The following POLQ variants were observed in gnomAD, a reference collection of about 807,000 sequenced individuals.
The protein encoded by POLQ is epididymis secretory sperm binding protein.
POLQ carries 233 observed loss-of-function variants against 259.2 expected under a neutral mutation model. That is an observed-to-expected ratio of 0.90 (90% CI 0.81 to 1.00). POLQ has a LOEUF of 1.00. Among genes scored for constraint, POLQ ranks in the 50% least tolerant of loss-of-function variants. The probability of loss-of-function intolerance (pLI) is 0.00; values close to 1 mark genes in which losing one functional copy is unlikely to be tolerated. For synonymous variants in POLQ, 1,025 were observed against 1,048.8 expected (o/e 0.98, Z 0.44); for missense variants, 2,871 against 3,051.6 (o/e 0.94, Z 1.39).
intron 12 of POLQ, 74 bp downstream of exon 12, chr3:121,509,487 C>T: frequency 2.3e-6 from 3 of 1,294,338 alleles, no homozygotes; most frequent in South Asian, 2.7e-5. Context: ...GTTAGGGTAT[C>T]TTTGATGTTC....
chr3:121,494,293 G>A lies in POLQ; in HGVS notation c.2279-572C>T, dbSNP rs192177124. On this transcript the variant is annotated intron_variant, in intron 14 of 29. Transcript: ENST00000264233. The stretch of plus-strand genomic sequence containing the variant: ...TTGTGAAACGGCCCCGCTATATCAG[G>A]TTGCAGCGGCAGAGAGCCATCCTCT... 66 of 1,596,434 alleles carry A rather than the reference G, an allele frequency of 4.1e-5. No individual in the cohort carries two copies. In the African/African-American group the frequency reaches 8.3e-4, roughly 20 times the overall value.
In POLQ at chr3:121,460,237, G is replaced by A; in HGVS notation, c.6968-3C>T. ...GTCAGCAGCCAGTATTGAACCACCT[G>A]AAGTAGAAGTGATTTCAGAAAAGCT... On this transcript the variant is annotated splice_polypyrimidine_tract_variant and splice_region_variant and intron_variant, in intron 24 of 29. Coordinates refer to ENST00000264233, the MANE Select transcript of POLQ (RefSeq NM_199420.4). The A allele has an allele frequency of 6.2e-7, 1 of 1,604,990 alleles. No homozygotes were observed. Among genetic ancestry groups the A allele is most frequent in the Non-Finnish European group, 8.5e-7 (1 of 1,171,952 alleles).
intron 25 of POLQ, among the ~76,000 whole-genome samples, chr3:121,455,763 G>A (rs1424382248): frequency 2.6e-5 from 4 of 152,186 alleles, no homozygotes; most frequent in Non-Finnish European, 5.9e-5. Context: ...ACCAAAAAGA[G>A]TCCAGGACCA....
In POLQ at chr3:121,495,359, G is replaced by C. The variant is rs1396581684; in HGVS notation, c.2278+1449C>G. On this transcript the variant is annotated intron_variant, in intron 14 of 29. Transcript: ENST00000264233. ...AAGTGCTGAGAGAACTAGAAAGAGT[G>C]AAGTTCCCACCTGCATTTTCTTCAA... Among the ~76,000 whole-genome samples the C allele has an allele frequency of 2.0e-5, 3 of 152,138 alleles. No individual in the cohort carries two copies. The South Asian group carries it at 6.2e-4, about 32-fold the overall frequency.
At chr3:121,506,245 A>G (rs1371799217) in intron 12 of POLQ, among the ~76,000 whole-genome samples, 1 of 151,144 alleles carries the variant, frequency 6.6e-6, no homozygotes, top group East Asian at 1.9e-4. Flanking sequence ...AATCTCCCTA[A>G]TATATAAAAA....
intron 25 of POLQ, among the ~76,000 whole-genome samples, chr3:121,456,450 T>C (rs2047738152): frequency 6.6e-6 from 1 of 152,158 alleles, no homozygotes; most frequent in South Asian, 2.1e-4. Flanking sequence ...ATTGTCCCTG[T>C]TTGCAGATGA....
chr3:121,441,656 G>C (rs72969949), intron 26 of POLQ, among the ~76,000 whole-genome samples: 1 of 152,278 alleles, frequency 6.6e-6, no homozygotes, highest in South Asian at 2.1e-4. Context: ...CATGTGGCCT[G>C]TTCTCAGAAT....
intron 12 of POLQ, 24 bp from the exon 13 acceptor site, chr3:121,498,694 T>C: frequency 6.6e-7 from 1 of 1,510,658 alleles, no homozygotes; most frequent in Non-Finnish European, 9.1e-7. Flanking sequence ...GTATTATTCA[T>C]TAACTAAAAC....
rs1044367412 is a variant in POLQ at position 121,521,912 on chromosome 3, T to C, written c.1255+91A>G. ...AAGAAATCTAAGGACATTAAGTGTG[T>C]TTAACAAGAAATAAATGTACACAAA... On this transcript the variant is annotated intron_variant, in intron 8 of 29. Coordinates refer to ENST00000264233, the MANE Select transcript of POLQ (RefSeq NM_199420.4). The C allele has an allele frequency of 9.5e-6, 9 of 948,310 alleles. No homozygotes were observed. The Admixed American group carries it at 2.0e-4, about 21-fold the overall frequency. The allele number at this position is 948,310 out of a possible 1,614,324, so 58.7% of individuals were successfully genotyped here. A position where few individuals can be genotyped will look rare whatever the true frequency, so the allele number is the denominator to read the frequency against.
chr3:121,527,123 C>A (rs973979594), intron 7 of POLQ, among the ~76,000 whole-genome samples: 1 of 152,082 alleles, frequency 6.6e-6, no homozygotes, highest in Non-Finnish European at 1.5e-5. Flanking sequence ...TGCGGTGGCA[C>A]GATCTCGGCT....
chr3:121,449,415 C>T lies in POLQ; in HGVS notation c.7164G>A (p.Gly2388=), dbSNP rs1436370123. ...ATTTAGCTCCCATTCCATAAATGATCCCATAGCAAATCTGAAAGGGAGTCA... is the reference window on the plus strand; with the variant it reads ...ATTTAGCTCCCATTCCATAAATGATTCCATAGCAAATCTGAAAGGGAGTCA... ...LRQQAKQICY[G]IIYGMGAKSL... Residue 2388 remains glycine, a synonymous_variant, in exon 26 of 30, where the codon GGG becomes GGA. Transcript: ENST00000264233. The T allele has an allele frequency of 6.4e-7, 1 of 1,570,066 alleles. No individual in the cohort carries two copies. The highest frequency in any genetic ancestry group is 1.1e-5 in the South Asian group (1 of 90,004).
At chr3:121,457,127 A>G (rs1456817459) in intron 25 of POLQ, among the ~76,000 whole-genome samples, 2 of 152,210 alleles carry the variant, frequency 1.3e-5, no homozygotes, top group Non-Finnish European at 2.9e-5. Context: ...AAAACAAGCA[A>G]TGGGGAAAGG....
At chr3:121,471,940 T>C (rs1163679595) in intron 22 of POLQ, 50 bp downstream of exon 22, 1 of 1,067,508 alleles carries the variant, frequency 9.4e-7, no homozygotes, top group Non-Finnish European at 1.3e-6. Context: ...CATATGAAAA[T>C]GCTTTTCCTT....
rs893859247 is a variant in POLQ, at chr3:121,451,993, C to T, written c.7153-2567G>A. 1.3e-4 allele frequency among the ~76,000 whole-genome samples: 20 copies of T among 150,790 alleles called. 1 individual carries two copies. The highest frequency in any genetic ancestry group is 8.6e-4 in the Admixed American group (13 of 15,176). Reference sequence around the variant, plus strand: ...ACTCAAGCCTCAGCACTGGCGGGCGCCCCTCCCCCAGCCTTGCTGCTGCCT... The same window carrying T: ...ACTCAAGCCTCAGCACTGGCGGGCGTCCCTCCCCCAGCCTTGCTGCTGCCT... On this transcript the variant is annotated intron_variant, in intron 25 of 29. Coordinates refer to ENST00000264233, the MANE Select transcript of POLQ (RefSeq NM_199420.4).
intron 6 of POLQ, among the ~76,000 whole-genome samples, chr3:121,531,461 GTAGA>G (rs1374669574): frequency 1.3e-5 from 2 of 152,098 alleles, no homozygotes; most frequent in African/African-American, 4.8e-5. Flanking sequence ...AGGGAACATA[GTAGA>G]TAGAGTCAGA....
intron 26 of POLQ, among the ~76,000 whole-genome samples, chr3:121,445,862 CAAA>C (rs35509569): frequency 6.9e-6 from 1 of 143,978 alleles, no homozygotes; most frequent in Non-Finnish European, 1.5e-5. Flanking sequence ...CACTCCATCT[CAAA>C]AAAAAAAAAA....
chr3:121,494,538 C>G, intron 14 of POLQ: 2 of 1,581,024 alleles, frequency 1.3e-6, no homozygotes, highest in Middle Eastern at 4.5e-4. Context: ...AACACCGTCA[C>G]CACCTTGGTG....
intron 19 of POLQ, among the ~76,000 whole-genome samples, chr3:121,481,009 G>C (rs2047965843): frequency 6.6e-6 from 1 of 152,040 alleles, no homozygotes; most frequent in Non-Finnish European, 1.5e-5. Context: ...GCTTGATCTG[G>C]GCCAGCAGAT....
chr3:121,476,485 C>CA, intron 20 of POLQ, 55 bp downstream of exon 20: 1 of 1,246,706 alleles, frequency 8.0e-7, no homozygotes, highest in Non-Finnish European at 1.1e-6. Context: ...CACACACACA[C>CA]AATCATTTTA....
Sources: gnomAD v4.1 joint callset for allele counts (sites outside exome capture counted in the v4.1 genomes callset) on GRCh38, gnomAD v4.1.1 for gene constraint, MANE v1.5 for transcripts, NCBI Gene and HGNC (gene_info 2026-07-23, HGNC 2026-07-21) for gene names.